Variants in NDRG1 observed in about 807,000 individuals in gnomAD.
NDRG1 encodes N-myc downstream regulated 1.
A neutral mutation model predicts 56.9 loss-of-function variants in NDRG1; 32 were observed. That is an observed-to-expected ratio of 0.56 (90% CI 0.42 to 0.76). NDRG1 has a LOEUF of 0.76. Ranked by LOEUF, NDRG1 falls within the 30% of genes least tolerant of loss-of-function variation. The pLI is 0.00. For synonymous variants in NDRG1, 211 were observed against 204.1 expected, an observed-to-expected ratio of 1.03 and a Z score of -0.29; for missense variants, 507 against 545.7, an observed-to-expected ratio of 0.93 and a Z score of 0.71.
chr8:133,262,259 T>C (rs1264577523), intron 4 of NDRG1, 92 bp from the exon 5 acceptor site: 7 of 1,499,852 alleles, frequency 4.7e-6, no homozygotes, highest in African/African-American at 2.8e-5. Context: ...TTTTGTTTCA[T>C]TCCTATTCAG....
chr8:133,247,799 C>T, intron 12 of NDRG1, 76 bp downstream of exon 12: 1 of 1,488,764 alleles, frequency 6.7e-7, no homozygotes, highest in Admixed American at 1.7e-5. Context: ...GAGGGGCAGG[C>T]AGGGCCACTT....
At chr8:133,281,260 G>A (rs574944730) in intron 2 of NDRG1, among the ~76,000 whole-genome samples, 5 of 152,002 alleles carry the variant, frequency 3.3e-5, no homozygotes, top group Admixed American at 1.3e-4. Flanking sequence ...GGGAGGCTAA[G>A]GCAGGAGAAT....
chr8:133,251,381 C>A (rs752307425), intron 9 of NDRG1, among the ~76,000 whole-genome samples: 6 of 152,176 alleles, frequency 3.9e-5, no homozygotes, highest in Non-Finnish European at 8.8e-5. Flanking sequence ...ATTTAGGCAG[C>A]AAGGAGGTCA....
chr8:133,296,015 G>A (rs1225039859), intron 1 of NDRG1, among the ~76,000 whole-genome samples: 2 of 152,126 alleles, frequency 1.3e-5, no homozygotes, highest in East Asian at 3.9e-4. Context: ...CAACAGGCGG[G>A]GGATATGGGG....
intron 12 of NDRG1, among the ~76,000 whole-genome samples, chr8:133,247,081 T>C (rs146286160): frequency 9.2e-5 from 14 of 152,344 alleles, no homozygotes; most frequent in African/African-American, 3.1e-4. Flanking sequence ...CACACTGGTT[T>C]CTCTCTTCAT....
At chr8:133,294,927 AG>A (rs1858659984) in intron 1 of NDRG1, among the ~76,000 whole-genome samples, 2 of 152,210 alleles carry the variant, frequency 1.3e-5, no homozygotes, top group Non-Finnish European at 2.9e-5. Flanking sequence ...AGTCCCACCC[AG>A]GAGCCTCTCA....
chr8:133,264,036 G>A (rs1446907547), intron 4 of NDRG1, among the ~76,000 whole-genome samples: 1 of 151,978 alleles, frequency 6.6e-6, no homozygotes, highest in Non-Finnish European at 1.5e-5. Flanking sequence ...ATTAATGCAT[G>A]GCCTGGATAA....
At chr8:133,255,565 G>A in intron 8 of NDRG1, 1 of 333,432 alleles carries the variant, frequency 3.0e-6, no homozygotes, top group Non-Finnish European at 6.0e-6. Flanking sequence ...CGGGTTGACT[G>A]GAATGTCACT....
intron 12 of NDRG1, 116 bp from the exon 13 acceptor site, chr8:133,246,779 A>G (rs756195758): frequency 1.4e-5 from 14 of 976,682 alleles, no homozygotes; most frequent in Non-Finnish European, 1.8e-5. Context: ...CTGCTGGCAA[A>G]GAAGAAAGTA....
In NDRG1 at chr8:133,238,779, G is replaced by T. The variant is rs939297057; in HGVS notation, c.*99C>A. ...ACAAAATAAGCTTTGGATTAATACC[G>T]AGTTAGGCGCAGTATGGCAGGCAGG... On this transcript the variant is annotated 3_prime_UTR_variant, in exon 16 of 16. Transcript: ENST00000323851. 1.1e-5 allele frequency: 15 copies of T among 1,344,070 alleles called. No homozygotes were observed. The Admixed American group carries it at 1.4e-4, about 13-fold the overall frequency. The allele number at this position is 1,344,070 out of a possible 1,614,324, so 83.3% of individuals were successfully genotyped here.
intron 1 of NDRG1, among the ~76,000 whole-genome samples, chr8:133,292,780 G>A (rs1318693883): frequency 6.6e-6 from 1 of 152,134 alleles, no homozygotes; most frequent in Non-Finnish European, 1.5e-5. Flanking sequence ...AAAATGTATA[G>A]CTGCAGAAAG....
chr8:133,257,211 C>T (rs1856422652), intron 7 of NDRG1, among the ~76,000 whole-genome samples: 1 of 152,222 alleles, frequency 6.6e-6, no homozygotes, highest in South Asian at 2.1e-4. Context: ...TCAAACAAGG[C>T]GCACAGCACA....
chr8:133,264,696 T>A, intron 3 of NDRG1, 44 bp from the exon 4 acceptor site: 1 of 1,544,196 alleles, frequency 6.5e-7, no homozygotes, highest in Non-Finnish European at 9.0e-7. Context: ...GTGGGGTTCA[T>A]GGCATCCGCG....
At chr8:133,249,868 C>A (rs778548461) in intron 10 of NDRG1, among the ~76,000 whole-genome samples, 2 of 152,212 alleles carry the variant, frequency 1.3e-5, no homozygotes, top group African/African-American at 2.4e-5. Flanking sequence ...CGTGGCAGAG[C>A]GAGCTCAGCA....
chr8:133,245,293 A>C (rs1855611006), intron 13 of NDRG1, among the ~76,000 whole-genome samples: 1 of 152,148 alleles, frequency 6.6e-6, no homozygotes. Context: ...CAGTCAGGCC[A>C]CCTACCCTTT....
intron 2 of NDRG1, among the ~76,000 whole-genome samples, chr8:133,282,116 G>T (rs1443004218): frequency 6.6e-6 from 1 of 152,204 alleles, no homozygotes; most frequent in Non-Finnish European, 1.5e-5. Context: ...ACCCTGAATG[G>T]GCAAGCTCTT....
chr8:133,293,780 A>T (rs1355651632), intron 1 of NDRG1, among the ~76,000 whole-genome samples: 2 of 152,166 alleles, frequency 1.3e-5, no homozygotes, highest in African/African-American at 4.8e-5. Context: ...CCCCTGATGG[A>T]GAGAGAATCG....
intron 1 of NDRG1, among the ~76,000 whole-genome samples, chr8:133,293,513 A>C (rs1307747867): frequency 6.6e-6 from 1 of 152,192 alleles, no homozygotes; most frequent in Non-Finnish European, 1.5e-5. Context: ...AGAGGTGGAA[A>C]GAATGTCTTC....
intron 3 of NDRG1, among the ~76,000 whole-genome samples, chr8:133,270,831 G>A (rs1254478795): frequency 1.3e-5 from 2 of 152,148 alleles, no homozygotes; most frequent in African/African-American, 4.8e-5. Flanking sequence ...ACCACCACGT[G>A]CCCTTGGCCA....
Sources: gnomAD v4.1 joint callset for allele counts (sites outside exome capture counted in the v4.1 genomes callset) on GRCh38, gnomAD v4.1.1 for gene constraint, MANE v1.5 for transcripts, NCBI Gene and HGNC (gene_info 2026-07-23, HGNC 2026-07-21) for gene names.